The following ZC4H2 variants were observed in gnomAD, a reference collection of about 807,000 sequenced individuals.
ZC4H2 encodes the protein zinc finger C4H2-type containing, also known as zinc finger C4H2 domain-containing protein.
For synonymous variants in ZC4H2, 84 were observed against 66.3 expected, an observed-to-expected ratio of 1.27 and a Z score of -1.30; for missense variants, 137 against 173.9, an observed-to-expected ratio of 0.79 and a Z score of 1.19.
chrX:64,936,477 T>C (rs1267233910), intron 1 of ZC4H2, among the ~76,000 whole-genome samples: 1 of 111,107 alleles, frequency 9.0e-6, no homozygotes. Flanking sequence ...ATCATCAGAT[T>C]CACCAAGGTT....
intron 1 of ZC4H2, among the ~76,000 whole-genome samples, chrX:64,967,731 G>A (rs908490456): frequency 1.6e-4 from 18 of 111,950 alleles, no homozygotes; most frequent in African/African-American, 5.2e-4. Flanking sequence ...TCCAGGATGG[G>A]AAAGGGACTA....
chrX:64,969,510 G>A (rs1931702243), intron 1 of ZC4H2, among the ~76,000 whole-genome samples: 1 of 111,804 alleles, frequency 8.9e-6, no homozygotes, highest in African/African-American at 3.3e-5. Context: ...TAAGTTGAGG[G>A]GATGATGAGA....
chrX:64,918,124 A>T (rs1215013784), intron 4 of ZC4H2: 5 of 330,791 alleles, frequency 1.5e-5, no homozygotes, highest in Non-Finnish European at 2.6e-5. Context: ...CTAGAAAGTA[A>T]GGCAAAATGA....
At chrX:64,983,162 T>C (rs1009641151) in intron 1 of ZC4H2, among the ~76,000 whole-genome samples, 1 of 111,914 alleles carries the variant, frequency 8.9e-6, no homozygotes, top group African/African-American at 3.2e-5. Flanking sequence ...CTCTGGTCTC[T>C]ACTATTTTTA....
chrX:64,959,660 ATACATGGTGGCAACTATGGACAG>A (rs746327798), intron 1 of ZC4H2, among the ~76,000 whole-genome samples: 213 of 109,115 alleles, frequency 2.0e-3, no homozygotes, highest in African/African-American at 6.6e-3. Flanking sequence ...GACAACCTAA[ATACATGGTGGCAACTATGGACAG>A]TACATGTTGG....
chrX:64,925,896 C>T (rs1309004918), intron 1 of ZC4H2, among the ~76,000 whole-genome samples: 1 of 112,109 alleles, frequency 8.9e-6, no homozygotes. Flanking sequence ...TGTCTGCCTC[C>T]ATCCAAGGTC....
At chrX:64,993,278 C>T (rs1932345613) in intron 1 of ZC4H2, among the ~76,000 whole-genome samples, 1 of 111,725 alleles carries the variant, frequency 9.0e-6, no homozygotes, top group Admixed American at 9.5e-5. Flanking sequence ...CCACCTCTTC[C>T]CTTCAAGCTC....
intron 1 of ZC4H2, among the ~76,000 whole-genome samples, chrX:65,032,555 G>T (rs1323580589): frequency 1.8e-5 from 2 of 111,470 alleles, no homozygotes; most frequent in Middle Eastern, 4.7e-3. Flanking sequence ...TTCCACATTG[G>T]TTCCAGCTTG....
chrX:64,992,579 G>A (rs1932330051), intron 1 of ZC4H2, among the ~76,000 whole-genome samples: 1 of 111,307 alleles, frequency 9.0e-6, no homozygotes, highest in South Asian at 3.8e-4. Flanking sequence ...TTATCCCAGG[G>A]ACCAAAACTA....
chrX:64,982,541 C>G (rs1602437004), intron 1 of ZC4H2, among the ~76,000 whole-genome samples: 2 of 112,292 alleles, frequency 1.8e-5, no homozygotes, highest in Middle Eastern at 9.3e-3. Flanking sequence ...GGGGATAATT[C>G]AGTGAATAGA....
intron 1 of ZC4H2, among the ~76,000 whole-genome samples, chrX:65,019,569 G>A (rs1245837650): frequency 8.9e-6 from 1 of 112,287 alleles, no homozygotes; most frequent in East Asian, 2.8e-4. Context: ...ATAAATCCAC[G>A]AAGATGGGGA....
chrX:65,015,200 T>G (rs1039540521), intron 1 of ZC4H2, among the ~76,000 whole-genome samples: 4 of 111,788 alleles, frequency 3.6e-5, no homozygotes, highest in Non-Finnish European at 7.5e-5. Flanking sequence ...GAAATAGGAC[T>G]CAGATTACCT....
intron 1 of ZC4H2, among the ~76,000 whole-genome samples, chrX:64,996,762 A>G (rs983397602): frequency 2.7e-5 from 3 of 111,321 alleles, no homozygotes; most frequent in Non-Finnish European, 5.6e-5. Flanking sequence ...AGCAAACCTG[A>G]AGATAGGACA....
At chrX:64,922,267 A>AAAAAAG in intron 1 of ZC4H2, 1 of 286,142 alleles carries the variant, frequency 3.5e-6, no homozygotes, top group Non-Finnish European at 5.3e-6. Context: ...AAAGAAAAAG[A>AAAAAAG]AAAAAGAAAA....
chrX:64,930,422 A>G (rs1929688196), intron 1 of ZC4H2, among the ~76,000 whole-genome samples: 1 of 111,801 alleles, frequency 8.9e-6, no homozygotes, highest in African/African-American at 3.2e-5. Flanking sequence ...AGAAGTGGTG[A>G]CAATAGGCAT....
At chrX:65,020,387 T>C (rs1339638736) in intron 1 of ZC4H2, among the ~76,000 whole-genome samples, 2 of 111,821 alleles carry the variant, frequency 1.8e-5, no homozygotes, top group Non-Finnish European at 3.8e-5. Flanking sequence ...ATATTCAGCA[T>C]TATTAAAGAA....
chrX:64,991,612 C>T (rs1268083421), intron 1 of ZC4H2, among the ~76,000 whole-genome samples: 1 of 111,712 alleles, frequency 9.0e-6, no homozygotes, highest in Non-Finnish European at 1.9e-5. Flanking sequence ...GAAACATTGG[C>T]AGTTCCTCAA....
intron 1 of ZC4H2, among the ~76,000 whole-genome samples, chrX:64,984,922 C>T (rs969326830): frequency 8.9e-6 from 1 of 112,180 alleles, no homozygotes; most frequent in Non-Finnish European, 1.9e-5. Context: ...ATTTCTTTCA[C>T]TATTAGAGTT....
chrX:64,942,488 C>A (rs1370205739), intron 1 of ZC4H2, among the ~76,000 whole-genome samples: 2 of 100,599 alleles, frequency 2.0e-5, no homozygotes, highest in East Asian at 3.1e-4. Flanking sequence ...CTTGCCCCCC[C>A]ACCCCCCAAC....
Sources: allele counts gnomAD v4.1 joint callset (sites outside exome capture counted in the v4.1 genomes callset), GRCh38; gene constraint gnomAD v4.1.1; transcripts MANE v1.5; gene names NCBI Gene and HGNC (gene_info 2026-07-23, HGNC 2026-07-21).